The following LUZP2 variants were observed in gnomAD, a reference collection of about 807,000 sequenced individuals.
The protein encoded by LUZP2 is leucine zipper protein 2.
LUZP2 carries 52 observed loss-of-function variants against 51.6 expected under a neutral mutation model. That is an observed-to-expected ratio of 1.01 (90% CI 0.81 to 1.27). LUZP2 has a LOEUF of 1.27. Among genes scored for constraint, LUZP2 ranks in the 50% most tolerant of loss-of-function variants. LUZP2 has a pLI of 0.00. For missense variants in LUZP2, 436 were observed against 395.4 expected (o/e 1.10, Z -0.87); for synonymous variants, 154 against 137.3 (o/e 1.12, Z -0.85).
At chr11:24,821,551 T>C (rs958333861) in intron 5 of LUZP2, among the ~76,000 whole-genome samples, 9 of 152,230 alleles carry the variant, frequency 5.9e-5, no homozygotes, top group South Asian at 4.1e-4. Context: ...ACCCTAGATC[T>C]TGCCTCATGC....
intron 1 of LUZP2, among the ~76,000 whole-genome samples, chr11:24,661,478 A>T (rs999689904): frequency 6.6e-6 from 1 of 152,166 alleles, no homozygotes; most frequent in African/African-American, 2.4e-5. Context: ...CTGCAGACAG[A>T]TGCTTGGATC....
At chr11:24,928,621 T>C (rs1854349324) in intron 7 of LUZP2, among the ~76,000 whole-genome samples, 1 of 152,088 alleles carries the variant, frequency 6.6e-6, no homozygotes, top group Non-Finnish European at 1.5e-5. Flanking sequence ...TACTGTTGGA[T>C]TTTGTTAGCT....
At chr11:24,594,750 C>CTTT (rs61196514) in intron 1 of LUZP2, among the ~76,000 whole-genome samples, 6 of 78,552 alleles carry the variant, frequency 7.6e-5, no homozygotes, top group African/African-American at 1.1e-4. Flanking sequence ...GTTTGGGACA[C>CTTT]TTTTTTTTTT....
At chr11:24,908,623 T>C (rs1369861653) in intron 6 of LUZP2, among the ~76,000 whole-genome samples, 2 of 152,166 alleles carry the variant, frequency 1.3e-5, no homozygotes, top group African/African-American at 4.8e-5. Flanking sequence ...TAAAACGATC[T>C]AAGTGTTAGC....
chr11:24,994,743 C>A (rs1490873962), intron 9 of LUZP2, among the ~76,000 whole-genome samples: 1 of 152,128 alleles, frequency 6.6e-6, no homozygotes, highest in Non-Finnish European at 1.5e-5. Context: ...AATATTAAAT[C>A]TTCGAATATT....
At chr11:24,927,094 T>C (rs1359142585) in intron 7 of LUZP2, among the ~76,000 whole-genome samples, 2 of 151,590 alleles carry the variant, frequency 1.3e-5, no homozygotes, top group South Asian at 2.1e-4. Context: ...TTTGATGGGA[T>C]CTTTTTTTTT....
At chr11:24,949,296 C>G (rs976356921) in intron 7 of LUZP2, among the ~76,000 whole-genome samples, 10 of 81,878 alleles carry the variant, frequency 1.2e-4, no homozygotes, top group African/African-American at 9.5e-4. Context: ...GATTATCTAT[C>G]TATCTATCTA....
intron 1 of LUZP2, among the ~76,000 whole-genome samples, chr11:24,674,839 C>A (rs1431991653): frequency 6.6e-6 from 1 of 152,158 alleles, no homozygotes; most frequent in Non-Finnish European, 1.5e-5. Flanking sequence ...CCTCTTATGC[C>A]TTTTCCCCAC....
At chr11:25,065,411 G>C (rs1590891503) in intron 10 of LUZP2, among the ~76,000 whole-genome samples, 1 of 152,098 alleles carries the variant, frequency 6.6e-6, no homozygotes, top group Admixed American at 6.6e-5. Context: ...ACTCAGATAA[G>C]TGCATTAAAT....
intron 10 of LUZP2, among the ~76,000 whole-genome samples, chr11:25,073,636 C>T (rs575324605): frequency 4.6e-5 from 7 of 152,186 alleles, no homozygotes; most frequent in South Asian, 2.1e-4. Context: ...AAGGAGCATT[C>T]GTAAGAAACG....
At chr11:25,024,911 A>G (rs76073749) in intron 9 of LUZP2, among the ~76,000 whole-genome samples, 84,656 of 147,844 alleles carry the variant, frequency 0.57, 25,337 homozygotes, top group African/African-American at 0.74. Context: ...CAAGGCTACA[A>G]TAACCAAAAC....
chr11:25,025,354 A>G (rs1369291991), intron 9 of LUZP2, among the ~76,000 whole-genome samples: 1 of 152,172 alleles, frequency 6.6e-6, no homozygotes, highest in Non-Finnish European at 1.5e-5. Context: ...TCAGAGTGAC[A>G]AGCAACCTAC....
chr11:24,653,129 G>C (rs994342048), intron 1 of LUZP2, among the ~76,000 whole-genome samples: 17 of 152,138 alleles, frequency 1.1e-4, no homozygotes, highest in African/African-American at 4.1e-4. Context: ...TAGACTCTCA[G>C]TGGGACAAGT....
intron 1 of LUZP2, among the ~76,000 whole-genome samples, chr11:24,631,980 C>G (rs903494118): frequency 6.6e-6 from 1 of 152,014 alleles, no homozygotes; most frequent in Non-Finnish European, 1.5e-5. Context: ...CTGCCTATTT[C>G]TGGCATTGGA....
At position 24,722,197 on chromosome 11, in the gene LUZP2, G is replaced by T. The variant is rs570846867; in HGVS notation, c.63-6972G>T. 3.9e-4 allele frequency among the ~76,000 whole-genome samples: 60 copies of T among 152,228 alleles called. No individual in the cohort carries two copies. The South Asian group carries it at 6.2e-3, about 16-fold the overall frequency. ...ACATTTCTTAAACTAAGTCTAAAAA[G>T]GACAAATCCTGATATAAATATTAAT... On this transcript the variant is annotated intron_variant, in intron 1 of 11. Coordinates refer to ENST00000336930, the MANE Select transcript of LUZP2 (RefSeq NM_001009909.4).
intron 5 of LUZP2, among the ~76,000 whole-genome samples, chr11:24,831,011 A>G (rs1455031506): frequency 1.3e-5 from 2 of 150,510 alleles, no homozygotes; most frequent in Admixed American, 1.3e-4. Flanking sequence ...AAAATAAAAT[A>G]AATTAAAATA....
At chr11:24,499,716 T>C (rs182388973) in intron 1 of LUZP2, among the ~76,000 whole-genome samples, 1 of 152,326 alleles carries the variant, frequency 6.6e-6, no homozygotes, top group Admixed American at 6.5e-5. Flanking sequence ...TGTCTTTTAT[T>C]GTCAAACTCT....
Position 24,520,867 on chromosome 11 carries a change from C to T in LUZP2, c.62+23562C>T, listed in dbSNP as rs188842819. 3.9e-4 allele frequency among the ~76,000 whole-genome samples: 60 copies of T among 152,332 alleles called. 1 individual carries two copies. Among genetic ancestry groups the T allele is most frequent in the African/African-American group, 1.4e-3 (58 of 41,572 alleles). ...GCAAAGATCATCCTTAGGCCAACCA[C>T]CAAAAACTCAACCAAGGGTTTTCCA... On this transcript the variant is annotated intron_variant, in intron 1 of 11. Coordinates refer to ENST00000336930, the MANE Select transcript of LUZP2 (RefSeq NM_001009909.4).
intron 7 of LUZP2, among the ~76,000 whole-genome samples, chr11:24,962,629 C>T (rs965422898): frequency 6.6e-6 from 1 of 152,172 alleles, no homozygotes; most frequent in African/African-American, 2.4e-5. Context: ...CTCCTTTAGG[C>T]ACTTCTCTGT....
Sources: gnomAD v4.1 joint callset for allele counts (sites outside exome capture counted in the v4.1 genomes callset) on GRCh38, gnomAD v4.1.1 for gene constraint, MANE v1.5 for transcripts, NCBI Gene and HGNC (gene_info 2026-07-23, HGNC 2026-07-21) for gene names.